The following ERBB4 variants were observed in gnomAD, a reference collection of about 807,000 sequenced individuals.
The protein encoded by ERBB4 is receptor tyrosine-protein kinase erbB-4.
ERBB4 carries 42 observed loss-of-function variants against 158.0 expected under a neutral mutation model. The observed-to-expected ratio is 0.27, with a 90% CI of 0.21 to 0.34. The LOEUF (loss-of-function observed/expected upper bound fraction) is 0.34. Among genes scored for constraint, ERBB4 ranks in the 10% least tolerant of loss-of-function variants. The pLI is 1.00. For synonymous variants in ERBB4, 583 were observed against 558.7 expected, an observed-to-expected ratio of 1.04 and a Z score of -0.61; for missense variants, 1,333 against 1,624.1, an observed-to-expected ratio of 0.82 and a Z score of 3.08.
intron 1 of ERBB4, among the ~76,000 whole-genome samples, chr2:212,263,731 G>A (rs760128548): frequency 4.0e-5 from 6 of 151,524 alleles, no homozygotes; most frequent in Admixed American, 1.3e-4. Flanking sequence ...AAAGAGTTCC[G>A]AAAACTATGT....
chr2:212,112,225 T>C (rs1249788900), intron 2 of ERBB4, among the ~76,000 whole-genome samples: 1 of 152,074 alleles, frequency 6.6e-6, no homozygotes, highest in Non-Finnish European at 1.5e-5. Flanking sequence ...CTCAAACTCC[T>C]GGCTTCAAGC....
chr2:212,023,450 G>T (rs2076701566), intron 2 of ERBB4, among the ~76,000 whole-genome samples: 1 of 151,864 alleles, frequency 6.6e-6, no homozygotes, highest in South Asian at 2.1e-4. Flanking sequence ...GATAGACAGG[G>T]ATGGTTCAAG....
chr2:211,384,466 GA>G (rs1453736343), intron 27 of ERBB4, among the ~76,000 whole-genome samples: 1 of 152,048 alleles, frequency 6.6e-6, no homozygotes, highest in Non-Finnish European at 1.5e-5. Context: ...AAAGGATATT[GA>G]AAAAACAAGA....
chr2:211,836,510 T>C (rs1197041783), intron 3 of ERBB4, among the ~76,000 whole-genome samples: 1 of 152,060 alleles, frequency 6.6e-6, no homozygotes, highest in Non-Finnish European at 1.5e-5. Flanking sequence ...GGTAGTCACA[T>C]ATATTGGTAC....
chr2:211,678,893 G>A (rs2072214777), intron 13 of ERBB4, among the ~76,000 whole-genome samples, 159 bp downstream of exon 13: 1 of 148,426 alleles, frequency 6.7e-6, no homozygotes, highest in African/African-American at 2.5e-5. Context: ...CGTGAACCCA[G>A]GAGGCGGAGC....
intron 1 of ERBB4, among the ~76,000 whole-genome samples, chr2:212,340,865 T>C (rs1475463081): frequency 6.6e-6 from 1 of 152,212 alleles, no homozygotes; most frequent in East Asian, 1.9e-4. Context: ...TATTCGATGC[T>C]ACTAGTATTT....
At chr2:211,594,562 T>C (rs905299462) in intron 19 of ERBB4, among the ~76,000 whole-genome samples, 1 of 152,188 alleles carries the variant, frequency 6.6e-6, no homozygotes, top group Admixed American at 6.5e-5. Context: ...ATAGCTATTT[T>C]TATTTTTTCT....
At chr2:211,607,516 T>C (rs968197594) in intron 19 of ERBB4, among the ~76,000 whole-genome samples, 5 of 152,314 alleles carry the variant, frequency 3.3e-5, no homozygotes, top group Admixed American at 2.0e-4. Flanking sequence ...AGGATCACTG[T>C]AGAAAACTCA....
chr2:211,857,782 G>A (rs1000986651), intron 3 of ERBB4, among the ~76,000 whole-genome samples: 2 of 152,146 alleles, frequency 1.3e-5, no homozygotes, highest in Admixed American at 6.5e-5. Context: ...TACACATTAC[G>A]ACAAGTAGCT....
chr2:212,038,678 A>G (rs2077070971), intron 2 of ERBB4, among the ~76,000 whole-genome samples: 1 of 152,148 alleles, frequency 6.6e-6, no homozygotes, highest in South Asian at 2.1e-4. Flanking sequence ...CACCATATCT[A>G]TAAATCATGG....
chr2:211,822,632 A>T (rs905689060), intron 3 of ERBB4, among the ~76,000 whole-genome samples: 1 of 152,070 alleles, frequency 6.6e-6, no homozygotes, highest in Non-Finnish European at 1.5e-5. Flanking sequence ...TTACATAAGT[A>T]ATGCAACAAA....
chr2:211,567,439 A>G (rs1204748058), intron 19 of ERBB4, among the ~76,000 whole-genome samples: 4 of 152,196 alleles, frequency 2.6e-5, no homozygotes, highest in Non-Finnish European at 1.5e-5. Context: ...TCACTTTACA[A>G]TGTTTTCAGA....
intron 2 of ERBB4, among the ~76,000 whole-genome samples, chr2:212,025,650 A>G (rs904374174): frequency 1.3e-5 from 2 of 151,758 alleles, no homozygotes; most frequent in African/African-American, 4.8e-5. Flanking sequence ...GACTTAATAT[A>G]TTAGCTTATC....
chr2:211,587,269 T>C (rs1334660943), intron 19 of ERBB4, among the ~76,000 whole-genome samples: 1 of 151,750 alleles, frequency 6.6e-6, no homozygotes, highest in African/African-American at 2.4e-5. Flanking sequence ...GGCAAAGAAC[T>C]GCTTGAACCC....
chr2:212,494,122 C>A (rs1263700134), intron 1 of ERBB4, among the ~76,000 whole-genome samples: 1 of 151,718 alleles, frequency 6.6e-6, no homozygotes, highest in South Asian at 2.1e-4. Flanking sequence ...AATCTTTTTC[C>A]ACATTGAAAC....
chr2:212,446,339 G>C (rs374015539), intron 1 of ERBB4, among the ~76,000 whole-genome samples: 1 of 151,542 alleles, frequency 6.6e-6, no homozygotes, highest in East Asian at 2.0e-4. Context: ...CCCTTAATCT[G>C]GTGGGCACAA....
intron 1 of ERBB4, among the ~76,000 whole-genome samples, chr2:212,136,750 C>T (rs868339388): frequency 1.3e-5 from 2 of 152,112 alleles, no homozygotes; most frequent in Non-Finnish European, 1.5e-5. Flanking sequence ...TCTAATTTAA[C>T]GACCCTTTTA....
chr2:211,825,789 A>G (rs2077088700), intron 3 of ERBB4, among the ~76,000 whole-genome samples: 1 of 147,612 alleles, frequency 6.8e-6, no homozygotes, highest in Non-Finnish European at 1.5e-5. Context: ...TTAATAATAT[A>G]TCAATGATAT....
At chr2:211,496,487 C>T (rs1047999923) in intron 20 of ERBB4, among the ~76,000 whole-genome samples, 25 of 151,766 alleles carry the variant, frequency 1.6e-4, no homozygotes, top group African/African-American at 5.8e-4. Context: ...CGGTACCATA[C>T]TTGAAAATTC....
Sources: gnomAD v4.1 joint callset for allele counts (sites outside exome capture counted in the v4.1 genomes callset) on GRCh38, gnomAD v4.1.1 for gene constraint, MANE v1.5 for transcripts, NCBI Gene and HGNC (gene_info 2026-07-23, HGNC 2026-07-21) for gene names.